CSMD3: variants seen among roughly 807,000 people sequenced by gnomAD.
CSMD3 encodes the protein CUB and sushi domain-containing protein 3.
Under a neutral mutation model 435.2 loss-of-function variants are expected in CSMD3, and 177 were observed. That is an observed-to-expected ratio of 0.41 (90% CI 0.36 to 0.46). CSMD3 has a LOEUF of 0.46. Ranked by LOEUF, CSMD3 falls within the 20% of genes least tolerant of loss-of-function variation. The pLI, the probability that CSMD3 is intolerant of heterozygous loss-of-function variation, is 0.34. For synonymous variants in CSMD3, 1,656 were observed against 1,520.5 expected, an observed-to-expected ratio of 1.09 and a Z score of -2.07; for missense variants, 4,265 against 4,504.6, an observed-to-expected ratio of 0.95 and a Z score of 1.52.
chr8:112,523,178 A>G (rs1004322023), intron 27 of CSMD3, among the ~76,000 whole-genome samples: 9 of 151,952 alleles, frequency 5.9e-5, no homozygotes, highest in African/African-American at 2.2e-4. Context: ...TGGATGAGTA[A>G]TGATATCAGA....
intron 47 of CSMD3, among the ~76,000 whole-genome samples, chr8:112,317,031 A>G (rs1186954239): frequency 6.6e-6 from 1 of 152,004 alleles, no homozygotes; most frequent in Non-Finnish European, 1.5e-5. Flanking sequence ...TTAAACAAAA[A>G]TGTAAAGTTA....
At chr8:112,409,792 A>G (rs990244298) in intron 32 of CSMD3, among the ~76,000 whole-genome samples, 17 of 151,980 alleles carry the variant, frequency 1.1e-4, no homozygotes, top group East Asian at 3.9e-4. Flanking sequence ...GAATTTACCC[A>G]AACTAAAACT....
At chr8:113,214,911 A>G (rs917577068) in intron 3 of CSMD3, among the ~76,000 whole-genome samples, 6 of 152,000 alleles carry the variant, frequency 3.9e-5, no homozygotes, top group Non-Finnish European at 8.8e-5. Context: ...TAGCTTTGAA[A>G]TATTATCGAA....
At chr8:112,705,181 C>T (rs960042306) in intron 13 of CSMD3, among the ~76,000 whole-genome samples, 7 of 152,090 alleles carry the variant, frequency 4.6e-5, no homozygotes, top group African/African-American at 1.7e-4. Context: ...CAGATACGAA[C>T]TTTCTGACCT....
At chr8:113,014,141 G>T (rs1041482621) in intron 6 of CSMD3, among the ~76,000 whole-genome samples, 1 of 152,082 alleles carries the variant, frequency 6.6e-6, no homozygotes, top group Non-Finnish European at 1.5e-5. Flanking sequence ...CAACAATTGT[G>T]GCCATGGTTT....
intron 1 of CSMD3, among the ~76,000 whole-genome samples, chr8:113,412,734 G>T (rs1241616278): frequency 6.6e-6 from 1 of 151,888 alleles, no homozygotes; most frequent in Non-Finnish European, 1.5e-5. Flanking sequence ...CTGAAGTATT[G>T]TGTTAGCAGA....
chr8:112,316,353 T>G (rs1277968804), intron 47 of CSMD3, among the ~76,000 whole-genome samples: 2 of 151,706 alleles, frequency 1.3e-5, no homozygotes, highest in Non-Finnish European at 3.0e-5. Flanking sequence ...ACTCTGACAT[T>G]GATTTTCAAA....
chr8:112,926,092 CA>C (rs765917159), intron 9 of CSMD3, among the ~76,000 whole-genome samples: 1 of 152,144 alleles, frequency 6.6e-6, no homozygotes, highest in Non-Finnish European at 1.5e-5. Context: ...ACAGAGAGGA[CA>C]GAAGTCAATG....
chr8:113,145,656 AAATG>A (rs1226083591), intron 4 of CSMD3, among the ~76,000 whole-genome samples: 1 of 151,664 alleles, frequency 6.6e-6, no homozygotes, highest in Non-Finnish European at 1.5e-5. Flanking sequence ...TATCTTATTG[AAATG>A]AATGAATAAA....
At chr8:112,619,499 T>C (rs1033441524) in intron 22 of CSMD3, among the ~76,000 whole-genome samples, 1 of 152,114 alleles carries the variant, frequency 6.6e-6, no homozygotes, top group Admixed American at 6.6e-5. Flanking sequence ...TTTCCTTCTC[T>C]ATCCTTTCTC....
chr8:112,559,966 C>T (rs1828471999), intron 24 of CSMD3, among the ~76,000 whole-genome samples: 1 of 149,594 alleles, frequency 6.7e-6, no homozygotes, highest in African/African-American at 2.5e-5. Context: ...TTACTTGTGT[C>T]CTAAATTATA....
chr8:113,316,314 C>T (rs193092854), intron 1 of CSMD3, among the ~76,000 whole-genome samples: 3 of 152,154 alleles, frequency 2.0e-5, no homozygotes, highest in Non-Finnish European at 2.9e-5. Flanking sequence ...TTGGAACTGG[C>T]ATAGAAATGC....
intron 10 of CSMD3, among the ~76,000 whole-genome samples, chr8:112,863,857 ATAG>A (rs2080895298): frequency 9.5e-6 from 1 of 105,816 alleles, no homozygotes; most frequent in Admixed American, 1.2e-4. Flanking sequence ...AAAAATAGAA[ATAG>A]TAGAAAAAGA....
chr8:112,595,638 G>A (rs1235670066), intron 22 of CSMD3, among the ~76,000 whole-genome samples: 15 of 75,204 alleles, frequency 2.0e-4, no homozygotes, highest in Admixed American at 5.2e-4. Context: ...ACCCTCAAAG[G>A]GAAGCCCATC....
intron 1 of CSMD3, 87 bp from the exon 2 acceptor site, chr8:113,314,880 T>C (rs2093897468): frequency 1.1e-6 from 1 of 893,684 alleles, no homozygotes; most frequent in Non-Finnish European, 1.8e-6. Flanking sequence ...GTCTATTGCA[T>C]TTCCAAGACC....
intron 3 of CSMD3, among the ~76,000 whole-genome samples, chr8:113,209,279 G>T (rs183748264): frequency 7.2e-5 from 11 of 152,172 alleles, no homozygotes. Context: ...TTGGTCTTTG[G>T]CCTCTAAAAG....
intron 32 of CSMD3, among the ~76,000 whole-genome samples, chr8:112,466,902 A>T (rs997869562): frequency 4.6e-5 from 7 of 152,174 alleles, no homozygotes; most frequent in African/African-American, 1.7e-4. Context: ...TTAAAAAATT[A>T]TAATCTTATA....
chr8:112,926,045 C>T (rs1224882205), intron 9 of CSMD3, among the ~76,000 whole-genome samples: 2 of 152,196 alleles, frequency 1.3e-5, no homozygotes, highest in East Asian at 1.9e-4. Context: ...TACACTTCAA[C>T]ATATTCTAGA....
chr8:113,199,532 ATTTT>A (rs948426347), intron 3 of CSMD3, among the ~76,000 whole-genome samples: 4 of 151,694 alleles, frequency 2.6e-5, no homozygotes, highest in African/African-American at 9.7e-5. Flanking sequence ...CTGCCTTATT[ATTTT>A]TTTAACTAAT....
Sources: gnomAD v4.1 joint callset for allele counts (sites outside exome capture counted in the v4.1 genomes callset) on GRCh38, gnomAD v4.1.1 for gene constraint, MANE v1.5 for transcripts, NCBI Gene and HGNC (gene_info 2026-07-23, HGNC 2026-07-21) for gene names.